The following KDM5B variants were observed in gnomAD, a reference collection of about 807,000 sequenced individuals.
The protein encoded by KDM5B is lysine-specific demethylase 5B.
Under a neutral mutation model 193.4 loss-of-function variants are expected in KDM5B, and 144 were observed. The ratio of observed to expected loss-of-function variants is 0.74; its 90% CI spans 0.65 to 0.86. The LOEUF is 0.86. Among genes scored for constraint, KDM5B ranks in the 40% least tolerant of loss-of-function variants. The probability of loss-of-function intolerance (pLI) is 0.00; values close to 1 mark genes in which losing one functional copy is unlikely to be tolerated. For missense variants in KDM5B, 1,833 were observed against 1,886.9 expected (o/e 0.97, Z 0.53); for synonymous variants, 668 against 682.6 (o/e 0.98, Z 0.33).
At chr1:202,748,891 T>C in intron 14 of KDM5B, 54 bp downstream of exon 14, 5 of 1,452,684 alleles carry the variant, frequency 3.4e-6, no homozygotes, top group Admixed American at 4.4e-5. Context: ...TGCGTAAAAA[T>C]TTTACTAAAT....
chr1:202,806,389 A>G (rs968300480), intron 1 of KDM5B: 2 of 152,224 alleles, frequency 1.3e-5, no homozygotes, highest in Non-Finnish European at 1.5e-5. Flanking sequence ...ACATTACTAC[A>G]GTGTGAAACA....
intron 3 of KDM5B, among the ~76,000 whole-genome samples, chr1:202,773,622 G>A (rs571614876): frequency 6.6e-6 from 1 of 152,192 alleles, no homozygotes; most frequent in South Asian, 2.1e-4. Flanking sequence ...GTCTTATTCT[G>A]GGCTCTTAAA....
intron 1 of KDM5B, among the ~76,000 whole-genome samples, chr1:202,802,047 T>TA (rs1445007770): frequency 6.6e-6 from 1 of 151,438 alleles, no homozygotes; most frequent in African/African-American, 2.4e-5. Context: ...CAAATTCTCT[T>TA]AGAGAAAAAA....
intron 14 of KDM5B, among the ~76,000 whole-genome samples, chr1:202,747,586 AC>A (rs1236276057): frequency 6.6e-6 from 1 of 151,678 alleles, no homozygotes; most frequent in African/African-American, 2.4e-5. Context: ...AAAAAAAAAA[AC>A]AGTATTACTA....
chr1:202,731,573 T>C lies in KDM5B; in HGVS notation c.4021+255A>G, dbSNP rs147821241. Reference sequence around the variant, plus strand: ...ATGACTTAGCATCTGACTTAAAAGCTTGGTGTTTATCAGCTGGTGTGGCAT... The same window carrying C: ...ATGACTTAGCATCTGACTTAAAAGCCTGGTGTTTATCAGCTGGTGTGGCAT... On this transcript the variant is annotated intron_variant, in intron 24 of 26. Coordinates refer to ENST00000367265, the MANE Select transcript of KDM5B (RefSeq NM_006618.5). Among the ~76,000 whole-genome samples the C allele has an allele frequency of 4.7e-3, 715 of 152,342 alleles. 5 individuals carry two copies. Among genetic ancestry groups the C allele is most frequent in the Non-Finnish European group, 6.2e-3 (420 of 68,028 alleles).
In KDM5B at chr1:202,731,824, A is replaced by G. The variant is rs1234841270; in HGVS notation, c.4021+4T>C. 2 of 1,592,012 alleles carry G rather than the reference A, an allele frequency of 1.3e-6. No homozygotes were observed. Among genetic ancestry groups the G allele is most frequent in the Non-Finnish European group, 1.7e-6 (2 of 1,160,000 alleles). On this transcript the variant is annotated splice_donor_region_variant and intron_variant, in intron 24 of 26. Coordinates refer to ENST00000367265, the MANE Select transcript of KDM5B (RefSeq NM_006618.5). ...AGCCCTCAACGTAATAACAAAATAC[A>G]AACCATGGAGGGGGATACAACTTCG...
intron 1 of KDM5B, among the ~76,000 whole-genome samples, chr1:202,806,028 ATGTC>A (rs1245418198): frequency 6.6e-6 from 1 of 152,210 alleles, no homozygotes; most frequent in Non-Finnish European, 1.5e-5. Context: ...GGTGGCCATC[ATGTC>A]TGTCTGACAT....
At chr1:202,730,513 G>A (rs1654841962) in intron 25 of KDM5B, among the ~76,000 whole-genome samples, 1 of 152,150 alleles carries the variant, frequency 6.6e-6, no homozygotes, top group Non-Finnish European at 1.5e-5. Flanking sequence ...TTCAATGATT[G>A]TGCCATACTA....
In KDM5B at chr1:202,729,181, CA is replaced by C; in HGVS notation, c.4498-9del. On this transcript the variant is annotated splice_polypyrimidine_tract_variant and intron_variant, in intron 26 of 26. Coordinates refer to ENST00000367265, the MANE Select transcript of KDM5B (RefSeq NM_006618.5). The stretch of plus-strand genomic sequence containing the variant: ...ACACTGGACCCAGTCCACCTGGTTA[CA>C]AAGAGCAGGAAGATGGGGTTTTCAG... The C allele has an allele frequency of 6.2e-7, 1 of 1,613,994 alleles. No individual in the cohort carries two copies. The highest frequency in any genetic ancestry group is 8.5e-7 in the Non-Finnish European group (1 of 1,179,932).
intron 16 of KDM5B, among the ~76,000 whole-genome samples, chr1:202,744,412 G>C (rs965764410): frequency 6.6e-5 from 10 of 152,140 alleles, no homozygotes; most frequent in African/African-American, 2.4e-4. Flanking sequence ...ACAAAAATTA[G>C]CTGGGCATGT....
At chr1:202,763,663 A>T (rs1246923677) in intron 6 of KDM5B, among the ~76,000 whole-genome samples, 1 of 152,234 alleles carries the variant, frequency 6.6e-6, no homozygotes, top group African/African-American at 2.4e-5. Flanking sequence ...CAGATTTAGG[A>T]AGCATGTCTG....
chr1:202,750,592 C>T (rs905394498), intron 13 of KDM5B, 67 bp downstream of exon 13: 3 of 1,559,686 alleles, frequency 1.9e-6, no homozygotes, highest in Non-Finnish European at 2.6e-6. Context: ...CACTTTAAAA[C>T]ATTATATTCC....
chr1:202,759,268 A>T (rs12142312), intron 8 of KDM5B, among the ~76,000 whole-genome samples: 1 of 152,128 alleles, frequency 6.6e-6, no homozygotes. Context: ...GGCTGGGTGC[A>T]GTGGCTCACA....
chr1:202,792,683 G>C (rs1319112273), intron 1 of KDM5B, among the ~76,000 whole-genome samples: 1 of 152,194 alleles, frequency 6.6e-6, no homozygotes, highest in Non-Finnish European at 1.5e-5. Flanking sequence ...AGAAGGAAGA[G>C]AGAGAAGACC....
At chr1:202,741,275 G>T in intron 19 of KDM5B, 92 bp downstream of exon 19, 1 of 837,018 alleles carries the variant, frequency 1.2e-6, no homozygotes, top group Non-Finnish European at 1.8e-6. Context: ...CGCAGCTACT[G>T]AGCACTTGCC....
At chr1:202,783,496 CTG>C (rs1344362744) in intron 1 of KDM5B, among the ~76,000 whole-genome samples, 1 of 151,080 alleles carries the variant, frequency 6.6e-6, no homozygotes, top group Non-Finnish European at 1.5e-5. Context: ...CAGAGCAAGA[CTG>C]TCTCAAAAAA....
intron 13 of KDM5B, 69 bp from the exon 14 acceptor site, chr1:202,749,208 T>C: frequency 7.3e-7 from 1 of 1,360,704 alleles, no homozygotes; most frequent in Non-Finnish European, 1.0e-6. Context: ...CTCTGACCCA[T>C]TATTATCAAA....
chr1:202,779,571 C>T (rs1369354380), intron 1 of KDM5B, among the ~76,000 whole-genome samples: 3 of 151,816 alleles, frequency 2.0e-5, no homozygotes, highest in South Asian at 2.1e-4. Context: ...TCTGGGAGTC[C>T]GAGGCAAGCA....
chr1:202,756,480 T>C lies in KDM5B; in HGVS notation c.1234A>G (p.Arg412Gly). The C allele has an allele frequency of 6.2e-7, 1 of 1,608,530 alleles. No homozygotes were observed. The highest frequency in any genetic ancestry group is 8.5e-7 in the Non-Finnish European group (1 of 1,177,642). The stretch of plus-strand genomic sequence containing the variant: ...TCCTCCTCAATAGTGCTTACTAGTC[T>C]CCAAAATTCTTTCTCAACAAGCTCT... ...PTELVEKEFW[R>G]LVSTIEEDVT... Residue 412 changes from arginine to glycine, a missense_variant, in exon 10 of 27, where the codon AGA becomes GGA. This residue lies in a region of KDM5B where 99 missense variants were observed against 162.4 expected (regional missense o/e 0.61). Coordinates refer to ENST00000367265, the MANE Select transcript of KDM5B (RefSeq NM_006618.5).
Sources: allele counts gnomAD v4.1 joint callset (sites outside exome capture counted in the v4.1 genomes callset), GRCh38; gene constraint gnomAD v4.1.1; regional missense constraint gnomAD v4.1.1; transcripts MANE v1.5; gene names NCBI Gene and HGNC (gene_info 2026-07-23, HGNC 2026-07-21).